SYNJ2: variants seen among roughly 807,000 people sequenced by gnomAD.
SYNJ2 encodes the protein synaptojanin 2, also known as polyphosphatidylinositol phosphatase SYNJ2.
A neutral mutation model predicts 141.3 loss-of-function variants in SYNJ2; 116 were observed. The ratio of observed to expected loss-of-function variants is 0.82; its 90% CI spans 0.71 to 0.96. SYNJ2 has a LOEUF of 0.96. Among genes scored for constraint, SYNJ2 ranks in the 40% least tolerant of loss-of-function variants. SYNJ2 has a pLI of 0.00. For missense variants in SYNJ2, 1,873 were observed against 1,934.8 expected, an observed-to-expected ratio of 0.97 and a Z score of 0.60; for synonymous variants, 745 against 777.7, an observed-to-expected ratio of 0.96 and a Z score of 0.70.
At chr6:158,086,208 A>C (rs1783026187) in intron 22 of SYNJ2, among the ~76,000 whole-genome samples, 1 of 152,070 alleles carries the variant, frequency 6.6e-6, no homozygotes, top group African/African-American at 2.4e-5. Flanking sequence ...AGTCAAAGTG[A>C]AATGGAGAGG....
intron 18 of SYNJ2, 62 bp downstream of exon 18, chr6:158,078,343 G>T (rs949790773): frequency 9.3e-7 from 1 of 1,070,752 alleles, no homozygotes; most frequent in Non-Finnish European, 1.4e-6. Flanking sequence ...CTCCCTCTCC[G>T]CAGGAAAATG....
chr6:158,029,195 C>A, intron 3 of SYNJ2, 169 bp downstream of exon 3: 1 of 835,242 alleles, frequency 1.2e-6, no homozygotes, highest in Non-Finnish European at 1.8e-6. Context: ...GGAAAACTAA[C>A]CCTGAACTCC....
intron 1 of SYNJ2, among the ~76,000 whole-genome samples, chr6:157,985,809 A>G (rs1777180168): frequency 6.6e-6 from 1 of 152,018 alleles, no homozygotes; most frequent in African/African-American, 2.4e-5. Flanking sequence ...TGCTGTGAAC[A>G]GGCAGCAGGG....
At chr6:158,000,303 TCA>T (rs1777797308) in intron 1 of SYNJ2, among the ~76,000 whole-genome samples, 1 of 151,088 alleles carries the variant, frequency 6.6e-6, no homozygotes, top group Non-Finnish European at 1.5e-5. Context: ...GGCCGGAGAG[TCA>T]CAAACCATAT....
intron 6 of SYNJ2, among the ~76,000 whole-genome samples, chr6:158,057,038 G>A (rs1178481847): frequency 5.3e-5 from 8 of 152,018 alleles, no homozygotes; most frequent in Admixed American, 5.2e-4. Context: ...TCTCCTCACA[G>A]GACAGTGAAC....
At position 158,093,159 on chromosome 6, in the gene SYNJ2, T is replaced by C. The variant is rs545319481; in HGVS notation, c.3744+55T>C. On this transcript the variant is annotated intron_variant, in intron 26 of 26. Coordinates refer to ENST00000355585, the MANE Select transcript of SYNJ2 (RefSeq NM_003898.4). Reference sequence around the variant, plus strand: ...CTCCTAAGTTGCTCACATGTCTCGATAGATAAGAATTGTGGCCTGTAATCC... The same window carrying C: ...CTCCTAAGTTGCTCACATGTCTCGACAGATAAGAATTGTGGCCTGTAATCC... The C allele has an allele frequency of 3.2e-6, 5 of 1,545,578 alleles. No homozygotes were observed. In the East Asian group the frequency reaches 7.0e-5, roughly 22 times the overall value.
intron 1 of SYNJ2, among the ~76,000 whole-genome samples, chr6:158,003,851 G>T (rs1777950997): frequency 6.6e-6 from 1 of 152,108 alleles, no homozygotes; most frequent in South Asian, 2.1e-4. Context: ...CATTTGCTGT[G>T]CTGTGGGACA....
In SYNJ2 at chr6:158,033,689, C is replaced by T. The variant is rs916345477; in HGVS notation, c.711+9C>T. ...TCGTGGAGACAGAGCAGGTGAGTGC[C>T]CAGGCCCATCTGTGGCACCAAATGG... is the stretch of plus-strand genomic sequence containing the variant. On this transcript the variant is annotated intron_variant, in intron 4 of 26. Transcript: ENST00000355585. 1 of 1,594,382 alleles carries T rather than the reference C, an allele frequency of 6.3e-7. No individual in the cohort carries two copies. Among genetic ancestry groups the T allele is most frequent in the Non-Finnish European group, 8.6e-7 (1 of 1,168,978 alleles).
Position 158,066,554 on chromosome 6 carries a change from C to T in SYNJ2, c.1636C>T (p.Arg546Trp), listed in dbSNP as rs367889806. 3.9e-5 allele frequency: 63 copies of T among 1,614,034 alleles called. No homozygotes were observed. Among genetic ancestry groups the T allele is most frequent in the Admixed American group, 6.7e-5 (4 of 59,998 alleles). The stretch of plus-strand genomic sequence containing the variant: ...GAACGTGAACGGAGGAAAGCAGTTC[C>T]GGAGCAACGTGCTCAGGACGGCGGA... ...TWNVNGGKQF[R>W]SNVLRTAELT... Residue 546 changes from arginine (R) to tryptophan (W), a missense_variant, in exon 12 of 27, where the codon CGG becomes TGG. Transcript: ENST00000355585.
At chr6:157,989,908 T>TG (rs71542910) in intron 1 of SYNJ2, among the ~76,000 whole-genome samples, 25,463 of 151,666 alleles carry the variant, frequency 0.17, 2,188 homozygotes, top group Middle Eastern at 0.2. Context: ...TGGGCTTTTC[T>TG]GGGGGGGGCT....
intron 15 of SYNJ2, among the ~76,000 whole-genome samples, chr6:158,072,120 G>A (rs540714854): frequency 2.2e-4 from 33 of 152,322 alleles, no homozygotes; most frequent in African/African-American, 7.9e-4. Flanking sequence ...CATGTCCGTG[G>A]TCTGTCCTGT....
chr6:158,041,456 G>A (rs946753611), intron 4 of SYNJ2, among the ~76,000 whole-genome samples: 1 of 152,196 alleles, frequency 6.6e-6, no homozygotes, highest in Admixed American at 6.5e-5. Context: ...ATGATAGGAC[G>A]GGGTGCAGAT....
chr6:158,021,683 G>T (rs1778779637), intron 2 of SYNJ2, among the ~76,000 whole-genome samples: 1 of 152,230 alleles, frequency 6.6e-6, no homozygotes, highest in Admixed American at 6.5e-5. Flanking sequence ...GCTAGCAGAG[G>T]GCTGGTTTCA....
chr6:158,064,674 A>G lies in SYNJ2; in HGVS notation c.1283A>G (p.Lys428Arg), dbSNP rs1330039383. 6.2e-7 allele frequency: 1 copy of G among 1,613,962 alleles called. No homozygotes were observed. Among genetic ancestry groups the G allele is most frequent in the Non-Finnish European group, 8.5e-7 (1 of 1,180,008 alleles). ...PIVDRFVESF[K>R]AMWSLNGHSL... ...GTTGACCGCTTTGTGGAGTCCTTCA[A>G]AGCCATGTGGTCTCTGAATGGCCAC... Residue 428 changes from lysine (K) to arginine (R), a missense_variant, in exon 10 of 27, where the codon AAA (lysine) becomes AGA (arginine). Transcript: ENST00000355585.
intron 5 of SYNJ2, among the ~76,000 whole-genome samples, chr6:158,052,979 A>AT (rs1341304340): frequency 3.3e-5 from 5 of 152,178 alleles, no homozygotes; most frequent in Non-Finnish European, 5.9e-5. Context: ...TTTTGTGGTC[A>AT]TGTCTCTAGT....
intron 1 of SYNJ2, among the ~76,000 whole-genome samples, chr6:157,997,580 G>T (rs1777682722): frequency 6.6e-6 from 1 of 152,132 alleles, no homozygotes; most frequent in African/African-American, 2.4e-5. Flanking sequence ...TGGATTTCTG[G>T]CCTCCAGAAC....
intron 24 of SYNJ2, among the ~76,000 whole-genome samples, chr6:158,089,364 C>T (rs1240986846): frequency 1.3e-5 from 2 of 151,892 alleles, no homozygotes; most frequent in African/African-American, 4.8e-5. Flanking sequence ...GGGTGCTGGG[C>T]CTGGTTAAGT....
chr6:158,073,614 G>A (rs1445037823), intron 15 of SYNJ2, among the ~76,000 whole-genome samples: 4 of 152,230 alleles, frequency 2.6e-5, no homozygotes, highest in Non-Finnish European at 4.4e-5. Context: ...TGGCCACAGT[G>A]AGAATGATCA....
intron 1 of SYNJ2, among the ~76,000 whole-genome samples, chr6:158,011,231 C>G (rs1332628457): frequency 1.3e-5 from 2 of 152,130 alleles, no homozygotes; most frequent in African/African-American, 2.4e-5. Flanking sequence ...AAGGACAGAA[C>G]AAGCAGCAAA....
Sources: allele counts gnomAD v4.1 joint callset (sites outside exome capture counted in the v4.1 genomes callset), GRCh38; gene constraint gnomAD v4.1.1; transcripts MANE v1.5; gene names NCBI Gene and HGNC (gene_info 2026-07-23, HGNC 2026-07-21).